Variants in MMP26 observed in about 807,000 individuals in gnomAD.
The protein encoded by MMP26 is matrix metallopeptidase 26.
MMP26 carries 33 observed loss-of-function variants against 31.0 expected under a neutral mutation model. The ratio of observed to expected loss-of-function variants is 1.06; its 90% CI spans 0.81 to 1.42. MMP26 has a LOEUF of 1.42. Ranked by LOEUF, MMP26 falls within the 40% of genes most tolerant of loss-of-function variation. The pLI, the probability that MMP26 is intolerant of heterozygous loss-of-function variation, is 0.00. For missense variants in MMP26, 347 were observed against 316.1 expected (o/e 1.10, Z -0.74); for synonymous variants, 122 against 114.9 (o/e 1.06, Z -0.40).
chr11:4,896,584 G>T (rs1564802362), intron 2 of MMP26, among the ~76,000 whole-genome samples: 1 of 152,114 alleles, frequency 6.6e-6, no homozygotes, highest in Non-Finnish European at 1.5e-5. Context: ...AGCAGTTGAG[G>T]CTACCAAGAA....
At chr11:4,817,100 T>G (rs1849432122) in intron 2 of MMP26, among the ~76,000 whole-genome samples, 2 of 152,000 alleles carry the variant, frequency 1.3e-5, no homozygotes, top group South Asian at 4.1e-4. Flanking sequence ...ATAATTTTTT[T>G]GTTGCTTTTG....
At chr11:4,851,693 A>G (rs1057105205) in intron 2 of MMP26, among the ~76,000 whole-genome samples, 1 of 152,012 alleles carries the variant, frequency 6.6e-6, no homozygotes, top group Admixed American at 6.6e-5. Context: ...GGAGGAATTA[A>G]ACATTTATTA....
intron 2 of MMP26, among the ~76,000 whole-genome samples, chr11:4,936,982 C>G (rs1846124477): frequency 6.6e-6 from 1 of 152,262 alleles, no homozygotes; most frequent in Non-Finnish European, 1.5e-5. Flanking sequence ...AATAATTTAA[C>G]TCTTCTCTTA....
chr11:4,950,136 A>G (rs1846357571), intron 2 of MMP26, among the ~76,000 whole-genome samples: 2 of 124,164 alleles, frequency 1.6e-5, no homozygotes, highest in South Asian at 4.8e-4. Flanking sequence ...TTTTATCAAA[A>G]CATTAATTTG....
At chr11:4,964,197 C>T (rs915655827) in intron 2 of MMP26, among the ~76,000 whole-genome samples, 9 of 152,096 alleles carry the variant, frequency 5.9e-5, no homozygotes, top group African/African-American at 2.2e-4. Context: ...AGCCTATGTT[C>T]TTAATGGTAT....
chr11:4,856,885 G>C (rs1850061727), intron 2 of MMP26, among the ~76,000 whole-genome samples: 1 of 152,188 alleles, frequency 6.6e-6, no homozygotes, highest in South Asian at 2.1e-4. Context: ...TCAGACCACA[G>C]TTCAATCAAA....
Position 4,933,518 on chromosome 11 carries a change from AT to A in MMP26, c.-144-54542del, listed in dbSNP as rs545181801. On this transcript the variant is annotated intron_variant, in intron 2 of 7. Coordinates refer to ENST00000380390, the MANE Select transcript of MMP26 (RefSeq NM_021801.5). ...TTTTTTTTTTAACCATTACCCTGTT[AT>A]TTTTTTTGTTTTTTTTTTTGTTTGT... is the stretch of plus-strand genomic sequence containing the variant. Among the ~76,000 whole-genome samples, 1,016 of 129,608 alleles carry A rather than the reference AT, an allele frequency of 7.8e-3. 4 individuals carry two copies. Among genetic ancestry groups the A allele is most frequent in the Non-Finnish European group, 0.012 (731 of 59,298 alleles). The allele number at this position is 129,608 out of a possible 152,430, so 85.0% of individuals were successfully genotyped here. A position where few individuals can be genotyped will look rare whatever the true frequency, so the allele number is the denominator to read the frequency against.
intron 2 of MMP26, among the ~76,000 whole-genome samples, chr11:4,822,673 C>A (rs1158992359): frequency 1.3e-5 from 2 of 152,184 alleles, no homozygotes; most frequent in African/African-American, 4.8e-5. Context: ...TAAAAGTTCA[C>A]ATTTAATGTG....
intron 2 of MMP26, among the ~76,000 whole-genome samples, chr11:4,773,313 T>C (rs1262292371): frequency 1.1e-4 from 16 of 152,094 alleles, no homozygotes; most frequent in Admixed American, 1.0e-3. Context: ...TGAATCAAGG[T>C]TCCATGTTTG....
At chr11:4,769,310 A>G (rs767445159) in intron 2 of MMP26, 4 of 1,613,616 alleles carry the variant, frequency 2.5e-6, no homozygotes, top group South Asian at 1.1e-5. Flanking sequence ...GATGAGATCA[A>G]TTAATCCACA....
chr11:4,727,597 G>T (rs1848118341), intron 1 of MMP26, among the ~76,000 whole-genome samples: 1 of 152,130 alleles, frequency 6.6e-6, no homozygotes, highest in Non-Finnish European at 1.5e-5. Context: ...ATCACCTGAG[G>T]TCAGGAGTTC....
chr11:4,852,214 A>G (rs1849985327), intron 2 of MMP26, among the ~76,000 whole-genome samples: 1 of 151,752 alleles, frequency 6.6e-6, no homozygotes, highest in Non-Finnish European at 1.5e-5. Context: ...ACCAAAACTG[A>G]TAAAATTAAA....
intron 1 of MMP26, among the ~76,000 whole-genome samples, chr11:4,725,985 C>T (rs1848093626): frequency 6.6e-6 from 1 of 152,098 alleles, no homozygotes. Context: ...AGTAAAGCCT[C>T]AACAGAAGAG....
At chr11:4,762,388 T>C (rs570187776) in intron 1 of MMP26, among the ~76,000 whole-genome samples, 3 of 152,324 alleles carry the variant, frequency 2.0e-5, no homozygotes, top group African/African-American at 7.2e-5. Context: ...AACTTATAGA[T>C]GTACTTTATT....
chr11:4,926,224 CA>C (rs150540410), intron 2 of MMP26, among the ~76,000 whole-genome samples: 2 of 149,052 alleles, frequency 1.3e-5, no homozygotes, highest in East Asian at 3.9e-4. Flanking sequence ...AAATGAGAAG[CA>C]AAAAAAAGGG....
intron 2 of MMP26, among the ~76,000 whole-genome samples, chr11:4,789,980 T>C (rs1849001665): frequency 6.6e-6 from 1 of 152,202 alleles, no homozygotes; most frequent in Non-Finnish European, 1.5e-5. Context: ...ACCTATTAAA[T>C]ATGTAGCATT....
intron 1 of MMP26, among the ~76,000 whole-genome samples, chr11:4,717,496 C>T (rs984831895): frequency 2.7e-5 from 4 of 150,332 alleles, no homozygotes; most frequent in African/African-American, 9.8e-5. Context: ...GTGGATATTA[C>T]CTAAATTAGA....
intron 1 of MMP26, chr11:4,736,941 C>G (rs544600047): frequency 6.5e-6 from 1 of 153,074 alleles, no homozygotes; most frequent in Non-Finnish European, 1.5e-5. Context: ...GGAGACTGGA[C>G]TCAGTGATGA....
At chr11:4,842,212 C>T (rs1020367666) in intron 2 of MMP26, among the ~76,000 whole-genome samples, 1 of 152,074 alleles carries the variant, frequency 6.6e-6, no homozygotes, top group Non-Finnish European at 1.5e-5. Context: ...AGTTAAGGTG[C>T]AGTTTTTATT....
Sources: gnomAD v4.1 joint callset for allele counts (sites outside exome capture counted in the v4.1 genomes callset) on GRCh38, gnomAD v4.1.1 for gene constraint, MANE v1.5 for transcripts, NCBI Gene and HGNC (gene_info 2026-07-23, HGNC 2026-07-21) for gene names.